The following EXOC1 variants were observed in gnomAD, a reference collection of about 807,000 sequenced individuals.
EXOC1 encodes SEC3-like 1.
EXOC1 carries 67 observed loss-of-function variants against 107.7 expected under a neutral mutation model. The observed-to-expected ratio is 0.62, with a 90% CI of 0.51 to 0.76. The LOEUF (loss-of-function observed/expected upper bound fraction) is 0.76, where lower values mean the gene tolerates loss of function less well. Ranked by LOEUF, EXOC1 falls within the 30% of genes least tolerant of loss-of-function variation. The pLI, the probability that EXOC1 is intolerant of heterozygous loss-of-function variation, is 0.00. For synonymous variants in EXOC1, 348 were observed against 353.5 expected (o/e 0.98, Z 0.17); for missense variants, 833 against 1,055.7 (o/e 0.79, Z 2.92).
intron 10 of EXOC1, among the ~76,000 whole-genome samples, chr4:55,885,248 AAG>A (rs1723760501): frequency 6.6e-6 from 1 of 152,192 alleles, no homozygotes; most frequent in Non-Finnish European, 1.5e-5. Context: ...AACTGGAGGT[AAG>A]AGAGAAATAT....
At chr4:55,896,358 G>C (rs1725204379) in intron 15 of EXOC1, among the ~76,000 whole-genome samples, 1 of 151,898 alleles carries the variant, frequency 6.6e-6, no homozygotes, top group Non-Finnish European at 1.5e-5. Flanking sequence ...TGGCCAGGCT[G>C]GTCTTGAACT....
At chr4:55,867,242 AG>A (rs1478938292) in intron 4 of EXOC1, among the ~76,000 whole-genome samples, 2 of 152,192 alleles carry the variant, frequency 1.3e-5, no homozygotes, top group Non-Finnish European at 2.9e-5. Flanking sequence ...TGAAAGGACA[AG>A]GAGATCGGTA....
At chr4:55,864,425 A>G in intron 4 of EXOC1, 39 bp downstream of exon 4, 1 of 1,483,918 alleles carries the variant, frequency 6.7e-7, no homozygotes, top group South Asian at 1.2e-5. Context: ...AATCAATTAT[A>G]TCTTTAAGTG....
At chr4:55,890,439 C>G (rs1274176873) in intron 12 of EXOC1, 53 bp downstream of exon 12, 17 of 1,536,656 alleles carry the variant, frequency 1.1e-5, no homozygotes, top group Non-Finnish European at 1.4e-5. Flanking sequence ...TTTCTAACAG[C>G]AGTTTGTGGT....
intron 3 of EXOC1, among the ~76,000 whole-genome samples, chr4:55,863,884 A>G (rs1721711179): frequency 6.6e-6 from 1 of 152,218 alleles, no homozygotes; most frequent in Non-Finnish European, 1.5e-5. Context: ...AGGCAATTTA[A>G]AAAGAAAAAT....
chr4:55,893,818 A>G, intron 15 of EXOC1, 38 bp downstream of exon 15: 2 of 1,498,164 alleles, frequency 1.3e-6, no homozygotes, highest in Non-Finnish European at 1.8e-6. Flanking sequence ...TTAGCATCCT[A>G]GTCATTGCAA....
At chr4:55,891,597 A>G (rs1724556162) in intron 13 of EXOC1, among the ~76,000 whole-genome samples, 175 bp downstream of exon 13, 1 of 152,356 alleles carries the variant, frequency 6.6e-6, no homozygotes, top group South Asian at 2.1e-4. Flanking sequence ...CCACAAGATG[A>G]TAAAAACAGT....
intron 17 of EXOC1, 59 bp downstream of exon 17, chr4:55,899,943 A>C (rs1453865997): frequency 2.8e-6 from 4 of 1,423,162 alleles, no homozygotes; most frequent in Non-Finnish European, 3.8e-6. Flanking sequence ...ATAAGTTTGC[A>C]TATGAATAAC....
chr4:55,880,601 GT>G (rs1246197921), intron 9 of EXOC1, among the ~76,000 whole-genome samples: 15 of 152,218 alleles, frequency 9.9e-5, no homozygotes, highest in Non-Finnish European at 2.2e-4. Flanking sequence ...CAAGTGCTTT[GT>G]CCCCTAGTGA....
At chr4:55,891,443 T>C in intron 13 of EXOC1, 21 bp downstream of exon 13, 1 of 1,469,624 alleles carries the variant, frequency 6.8e-7, no homozygotes, top group Non-Finnish European at 9.5e-7. Context: ...CAGTGTATTT[T>C]GGATAGTATT....
intron 3 of EXOC1, among the ~76,000 whole-genome samples, chr4:55,863,474 G>A (rs528324683): frequency 3.9e-5 from 6 of 152,172 alleles, no homozygotes; most frequent in African/African-American, 1.2e-4. Context: ...AATTAGGCAT[G>A]CTGGTATGTG....
Position 55,868,448 on chromosome 4 carries a change from A to C in EXOC1, c.528A>C (p.Glu176Asp). Residue 176 changes from glutamate (E) to aspartate (D), a missense_variant, in exon 5 of 19, where the codon GAA (glutamate) becomes GAC (aspartate). Physicochemically the swap from Glu to Asp is conservative, Grantham distance 45. Transcript: ENST00000381295. ...AACAGGATATCGAAATAATGATGGA[A>C]GGCTGTGAATATGCAATCTCGAATG... ...REEQDIEIMM[E>D]GCEYAISNAE... 6.2e-7 allele frequency: 1 copy of C among 1,613,884 alleles called. No individual in the cohort carries two copies. The highest frequency in any genetic ancestry group is 8.5e-7 in the Non-Finnish European group (1 of 1,179,850).
chr4:55,857,598 A>G (rs544958620), intron 1 of EXOC1, among the ~76,000 whole-genome samples: 1 of 152,280 alleles, frequency 6.6e-6, no homozygotes, highest in South Asian at 2.1e-4. Context: ...TACCATGAAC[A>G]TTCATGTACA....
At chr4:55,866,689 G>A (rs6814812) in intron 4 of EXOC1, among the ~76,000 whole-genome samples, 8,167 of 152,142 alleles carry the variant, frequency 0.054, 325 homozygotes, top group Non-Finnish European at 0.083. Context: ...AAATGAACAC[G>A]GCAAATTTAG....
At chr4:55,895,655 G>C (rs1345556361) in intron 15 of EXOC1, among the ~76,000 whole-genome samples, 1 of 152,182 alleles carries the variant, frequency 6.6e-6, no homozygotes, top group Non-Finnish European at 1.5e-5. Flanking sequence ...GTATTTGGCA[G>C]TGTAATCATT....
intron 11 of EXOC1, 143 bp from the exon 12 acceptor site, chr4:55,890,080 T>A: frequency 9.1e-6 from 6 of 656,846 alleles, no homozygotes; most frequent in African/African-American, 1.9e-5. Flanking sequence ...CTATACCACC[T>A]ATCCCTTATA....
At chr4:55,889,630 A>G (rs1724287307) in intron 11 of EXOC1, among the ~76,000 whole-genome samples, 1 of 152,212 alleles carries the variant, frequency 6.6e-6, no homozygotes, top group Admixed American at 6.5e-5. Context: ...TTAAAGGACT[A>G]TAATCAGTTC....
Position 55,903,496 on chromosome 4 carries a change from C to T in EXOC1, c.2533-847C>T, listed in dbSNP as rs190556962. ...AAACGATGAAAAGTAAAAAGCATAA[C>T]ACTGCTTAGGGAATAGCGATTGGTC... On this transcript the variant is annotated intron_variant, in intron 18 of 18. Transcript: ENST00000381295. Among the ~76,000 whole-genome samples the T allele has an allele frequency of 2.8e-4, 43 of 152,214 alleles. 1 individual carries two copies. The highest frequency in any genetic ancestry group is 2.8e-3 in the Admixed American group (43 of 15,290).
intron 7 of EXOC1, among the ~76,000 whole-genome samples, chr4:55,871,573 CAT>C (rs1398140794): frequency 1.3e-5 from 2 of 152,124 alleles, no homozygotes; most frequent in African/African-American, 4.8e-5. Flanking sequence ...TTGTTAAAAA[CAT>C]AGATTGCCTG....
Sources: allele counts gnomAD v4.1 joint callset (sites outside exome capture counted in the v4.1 genomes callset), GRCh38; gene constraint gnomAD v4.1.1; transcripts MANE v1.5; gene names NCBI Gene and HGNC (gene_info 2026-07-23, HGNC 2026-07-21).